MADD: variants seen among roughly 807,000 people sequenced by gnomAD.
MADD encodes MAP kinase activating death domain.
In MADD, 109 loss-of-function variants were observed where a neutral mutation model predicts 176.7. That is an observed-to-expected ratio of 0.62 (90% CI 0.53 to 0.72). The LOEUF (loss-of-function observed/expected upper bound fraction) is 0.72, where lower values mean the gene tolerates loss of function less well. MADD is among the 30% of genes least tolerant of loss of function. MADD has a pLI of 0.00. For synonymous variants in MADD, 771 were observed against 771.3 expected (o/e 1.00, Z 0.01); for missense variants, 1,914 against 2,045.5 (o/e 0.94, Z 1.24).
chr11:47,280,026 C>T (rs900485172), intron 7 of MADD, among the ~76,000 whole-genome samples: 3 of 152,112 alleles, frequency 2.0e-5, no homozygotes, highest in Non-Finnish European at 2.9e-5. Context: ...GCCAAGATTG[C>T]GCCATTGCAC....
intron 5 of MADD, 147 bp downstream of exon 5, chr11:47,277,010 C>A (rs543122209): frequency 3.0e-6 from 3 of 1,013,928 alleles, no homozygotes; most frequent in South Asian, 3.3e-5. Context: ...TTGAACTGAT[C>A]TGGTGGCAAG....
chr11:47,302,912 C>G (rs1232671450), intron 22 of MADD, among the ~76,000 whole-genome samples: 1 of 151,958 alleles, frequency 6.6e-6, no homozygotes, highest in Non-Finnish European at 1.5e-5. Context: ...CTTTGTGTGT[C>G]TGTTCTACAA....
intron 27 of MADD, among the ~76,000 whole-genome samples, chr11:47,318,386 T>G (rs1427309764): frequency 6.6e-6 from 1 of 152,216 alleles, no homozygotes; most frequent in Non-Finnish European, 1.5e-5. Flanking sequence ...AACATACATG[T>G]CAGTGTAGCC....
At chr11:47,285,587 G>T in exon 14 of MADD, 1 of 1,613,990 alleles carries the variant, frequency 6.2e-7, no homozygotes, top group Non-Finnish European at 8.5e-7. Flanking sequence ...CATGTCTTTT[G>T]CCAGTAAGTG....
At chr11:47,278,054 G>A (rs933433234) in intron 5 of MADD, 111 bp from the exon 6 acceptor site, 3 of 765,412 alleles carry the variant, frequency 3.9e-6, no homozygotes, top group Middle Eastern at 3.2e-4. Context: ...GGCCTCAAGA[G>A]TTTTGGAAGA....
chr11:47,293,173 A>G (rs2066933479), intron 19 of MADD, among the ~76,000 whole-genome samples: 1 of 151,144 alleles, frequency 6.6e-6, no homozygotes, highest in Admixed American at 6.6e-5. Context: ...AACCTTTTCT[A>G]CCTCCTTTAG....
chr11:47,328,630 GT>G, intron 31 of MADD, 27 bp from the exon 36 acceptor site: 2 of 1,614,170 alleles, frequency 1.2e-6, no homozygotes, highest in Non-Finnish European at 1.7e-6. Flanking sequence ...TGAACTTTCT[GT>G]TTTGTCTCTT....
At chr11:47,292,001 A>G (rs1364422195) in intron 19 of MADD, among the ~76,000 whole-genome samples, 4 of 152,102 alleles carry the variant, frequency 2.6e-5, no homozygotes, top group African/African-American at 9.7e-5. Context: ...TTGAGGAGCA[A>G]TGAGGAGGGA....
chr11:47,293,806 G>A (rs1396328582), intron 19 of MADD, 77 bp from the exon 22 acceptor site: 2 of 913,558 alleles, frequency 2.2e-6, no homozygotes, highest in Admixed American at 3.6e-5. Context: ...GGAACAGCCT[G>A]TGCTGCCGTC....
chr11:47,315,435 T>A, intron 27 of MADD, 108 bp downstream of exon 30: 1 of 630,074 alleles, frequency 1.6e-6, no homozygotes, highest in Non-Finnish European at 2.9e-6. Context: ...ATCTTCATGA[T>A]CTATTTATCA....
At chr11:47,284,324 G>C in intron 11 of MADD, 43 bp downstream of exon 11, 2 of 1,612,972 alleles carry the variant, frequency 1.2e-6, no homozygotes, top group Non-Finnish European at 1.7e-6. Context: ...GGCAGGGGTT[G>C]GGGGCCCAAG....
In MADD at chr11:47,284,583, G is replaced by A; in HGVS notation, c.2157+18G>A. The stretch of plus-strand genomic sequence containing the variant: ...CCAACTCTGTAAGTGAGGAGCGGTG[G>A]ATGAGTGAGAACCATGGCCTGGGAT... On this transcript the variant is annotated intron_variant, in intron 12 of 32. Coordinates refer to ENST00000402192, the Ensembl canonical transcript of MADD. The A allele has an allele frequency of 6.2e-7, 1 of 1,611,022 alleles. No homozygotes were observed.
At chr11:47,302,215 G>T (rs1269650949) in intron 22 of MADD, among the ~76,000 whole-genome samples, 1 of 151,588 alleles carries the variant, frequency 6.6e-6, no homozygotes, top group Non-Finnish European at 1.5e-5. Context: ...CTCTTTTTAG[G>T]TTTTTTTTGT....
rs142286752 is a variant in MADD at position 47,289,894 on chromosome 11, G to A, written c.2784G>A (p.Val928=). Residue 928 remains valine, a synonymous_variant, in exon 17 of 33, where the codon GTG becomes GTA. Coordinates refer to ENST00000402192, the Ensembl canonical transcript of MADD. ...AGAACCAGCAGTTCCTGAAGGAGGT[G>A]GTGCACAGCGTGCTGGACGGCCAGG... The A allele has an allele frequency of 8.1e-5, 130 of 1,613,914 alleles. No individual in the cohort carries two copies. In the African/African-American group the frequency reaches 1.6e-3, roughly 20 times the overall value.
chr11:47,312,061 GAAAAC>G (rs1334539874), intron 26 of MADD, among the ~76,000 whole-genome samples: 1 of 152,202 alleles, frequency 6.6e-6, no homozygotes, highest in Non-Finnish European at 1.5e-5. Context: ...TTCAGAAGGT[GAAAAC>G]GATTTCAAAT....
intron 12 of MADD, 42 bp from the exon 13 acceptor site, chr11:47,284,899 T>C (rs375100105): frequency 4.7e-5 from 75 of 1,608,700 alleles, no homozygotes; most frequent in Admixed American, 1.0e-4. Context: ...GAAGGTACCA[T>C]TGGGCACCAG....
At chr11:47,289,535 G>T in intron 16 of MADD, 42 bp downstream of exon 17, 1 of 1,548,668 alleles carries the variant, frequency 6.5e-7, no homozygotes, top group Non-Finnish European at 8.9e-7. Context: ...TCAGGCAGAG[G>T]TGGGGTGGTT....
chr11:47,300,687 A>G (rs1278702624), intron 22 of MADD, among the ~76,000 whole-genome samples: 1 of 152,032 alleles, frequency 6.6e-6, no homozygotes, highest in East Asian at 1.9e-4. Context: ...TAGTAGAGAC[A>G]GAGTTTCACC....
chr11:47,286,502 G>T (rs775415351), exon 15 of MADD: 2 of 1,614,112 alleles, frequency 1.2e-6, no homozygotes, highest in African/African-American at 1.3e-5. Context: ...AAAGGTGCCC[G>T]AGAGAAGGCC....
Sources: gnomAD v4.1 joint callset for allele counts (sites outside exome capture counted in the v4.1 genomes callset) on GRCh38, gnomAD v4.1.1 for gene constraint, MANE v1.5 for transcripts, NCBI Gene and HGNC (gene_info 2026-07-23, HGNC 2026-07-21) for gene names.